DGKG: variants seen among roughly 807,000 people sequenced by gnomAD.
DGKG encodes the protein diacylglycerol kinase gamma.
A neutral mutation model predicts 105.3 loss-of-function variants in DGKG; 78 were observed. That is an observed-to-expected ratio of 0.74 (90% CI 0.62 to 0.89). DGKG has a LOEUF of 0.89. Among genes scored for constraint, DGKG ranks in the 40% least tolerant of loss-of-function variants. The pLI is 0.00. For missense variants in DGKG, 958 were observed against 1,020.1 expected (o/e 0.94, Z 0.83); for synonymous variants, 346 against 367.1 (o/e 0.94, Z 0.66).
intron 1 of DGKG, among the ~76,000 whole-genome samples, chr3:186,349,753 C>G (rs991142713): frequency 6.6e-6 from 1 of 152,132 alleles, no homozygotes; most frequent in Non-Finnish European, 1.5e-5. Context: ...GCTCTTGCCA[C>G]TTTTTAAAGT....
At chr3:186,182,428 C>T (rs889024251) in intron 22 of DGKG, among the ~76,000 whole-genome samples, 1 of 152,124 alleles carries the variant, frequency 6.6e-6, no homozygotes, top group South Asian at 2.1e-4. Flanking sequence ...GGGAGGGAGA[C>T]CATACTTGTT....
chr3:186,274,462 T>TA (rs1722481267), intron 10 of DGKG, among the ~76,000 whole-genome samples: 1 of 152,104 alleles, frequency 6.6e-6, no homozygotes, highest in Non-Finnish European at 1.5e-5. Flanking sequence ...TGTGTATACA[T>TA]ATGCCATGTT....
intron 21 of DGKG, among the ~76,000 whole-genome samples, chr3:186,198,457 C>A (rs1211026660): frequency 6.6e-6 from 1 of 152,228 alleles, no homozygotes; most frequent in Non-Finnish European, 1.5e-5. Context: ...CCTACTTATT[C>A]TGTGCTAGAC....
intron 17 of DGKG, among the ~76,000 whole-genome samples, chr3:186,255,161 C>G (rs1310919112): frequency 6.6e-6 from 1 of 152,178 alleles, no homozygotes; most frequent in Non-Finnish European, 1.5e-5. Context: ...GTATTGTAAC[C>G]TCCCCGAGGG....
intron 11 of DGKG, among the ~76,000 whole-genome samples, chr3:186,271,182 C>T (rs1178813400): frequency 6.6e-6 from 1 of 152,124 alleles, no homozygotes; most frequent in Non-Finnish European, 1.5e-5. Context: ...GGCTAAGTGC[C>T]CTTCCCCTGC....
intron 19 of DGKG, 144 bp from the exon 20 acceptor site, chr3:186,242,712 G>A (rs958588552): frequency 1.8e-5 from 11 of 628,000 alleles, no homozygotes; most frequent in Admixed American, 6.2e-5. Flanking sequence ...GGTCACATCC[G>A]CGGAGCCAAC....
intron 22 of DGKG, among the ~76,000 whole-genome samples, chr3:186,176,589 A>G (rs913752652): frequency 2.0e-5 from 3 of 152,100 alleles, no homozygotes; most frequent in Admixed American, 6.6e-5. Context: ...AAAGAATCCT[A>G]TGTTTGGAAT....
At chr3:186,302,086 C>T (rs561958688) in intron 3 of DGKG, among the ~76,000 whole-genome samples, 45 of 152,218 alleles carry the variant, frequency 3.0e-4, no homozygotes, top group African/African-American at 1.0e-3. Flanking sequence ...GCCTTATGAT[C>T]GTCTGTCCCT....
intron 24 of DGKG, chr3:186,158,847 CT>C: frequency 4.3e-6 from 4 of 940,530 alleles, no homozygotes; most frequent in Non-Finnish European, 5.1e-6. Flanking sequence ...ATTGAATGTA[CT>C]TTTTATCAAA....
intron 24 of DGKG, 135 bp from the exon 25 acceptor site, chr3:186,150,323 G>T (rs888161837): frequency 1.1e-5 from 14 of 1,219,460 alleles, no homozygotes; most frequent in Admixed American, 2.9e-5. Context: ...GTCCTTGAAC[G>T]GCTTCAAAAT....
chr3:186,279,816 G>T lies in DGKG; in HGVS notation c.792+35C>A, dbSNP rs752021651. ...ACATGAAGCCCAATGTTCCTGAATG[G>T]CAAGAGATCTCTGAACTCCAGCTTG... On this transcript the variant is annotated intron_variant, in intron 9 of 24. Transcript: ENST00000265022. The T allele has an allele frequency of 3.1e-6, 5 of 1,606,442 alleles. No individual in the cohort carries two copies. The African/African-American group carries it at 5.4e-5, about 17-fold the overall frequency.
chr3:186,288,021 A>G (rs1287710012), intron 6 of DGKG, among the ~76,000 whole-genome samples: 4 of 152,236 alleles, frequency 2.6e-5, no homozygotes, highest in Admixed American at 6.5e-5. Context: ...CAGGGAAACC[A>G]TCACTGGACT....
At chr3:186,192,722 C>T (rs1356690932) in intron 21 of DGKG, among the ~76,000 whole-genome samples, 1 of 152,166 alleles carries the variant, frequency 6.6e-6, no homozygotes, top group Non-Finnish European at 1.5e-5. Context: ...TGATGCTAGG[C>T]TTATAGCAAA....
At chr3:186,288,581 C>T (rs992510694) in intron 6 of DGKG, 129 bp downstream of exon 6, 1 of 964,874 alleles carries the variant, frequency 1.0e-6, no homozygotes, top group Non-Finnish European at 1.5e-6. Context: ...GACAAAGAAA[C>T]CTCCCCAAAG....
intron 19 of DGKG, among the ~76,000 whole-genome samples, chr3:186,248,133 C>T (rs1721035133): frequency 6.6e-6 from 1 of 152,174 alleles, no homozygotes; most frequent in African/African-American, 2.4e-5. Context: ...CTGTCCATTC[C>T]TCTTTGTGTG....
At chr3:186,322,276 C>A (rs1456213159) in intron 1 of DGKG, among the ~76,000 whole-genome samples, 2 of 152,138 alleles carry the variant, frequency 1.3e-5, no homozygotes, top group Non-Finnish European at 2.9e-5. Context: ...TTCCTTGCAG[C>A]AACATGGATG....
chr3:186,179,885 T>C (rs1717276761), intron 22 of DGKG, among the ~76,000 whole-genome samples: 1 of 152,202 alleles, frequency 6.6e-6, no homozygotes, highest in Non-Finnish European at 1.5e-5. Flanking sequence ...CACGCCAGCA[T>C]CACTCACACA....
chr3:186,274,335 A>G (rs764947180), intron 10 of DGKG, among the ~76,000 whole-genome samples: 10 of 151,956 alleles, frequency 6.6e-5, no homozygotes, highest in African/African-American at 1.9e-4. Context: ...TTACAGGCGC[A>G]TGCCACCATG....
At chr3:186,168,459 G>A (rs745486405) in intron 22 of DGKG, among the ~76,000 whole-genome samples, 1 of 152,188 alleles carries the variant, frequency 6.6e-6, no homozygotes, top group Non-Finnish European at 1.5e-5. Context: ...ACAACAGTGG[G>A]GGTTCCAATC....
Sources: gnomAD v4.1 joint callset for allele counts (sites outside exome capture counted in the v4.1 genomes callset) on GRCh38, gnomAD v4.1.1 for gene constraint, MANE v1.5 for transcripts, NCBI Gene and HGNC (gene_info 2026-07-23, HGNC 2026-07-21) for gene names.